Variants in DYSF observed in about 807,000 individuals in gnomAD.
DYSF encodes dystrophy-associated fer-1-like 1.
Under a neutral mutation model 274.9 loss-of-function variants are expected in DYSF, and 212 were observed. The ratio of observed to expected loss-of-function variants is 0.77; its 90% CI spans 0.69 to 0.86. DYSF has a LOEUF of 0.86. Ranked by LOEUF, DYSF falls within the 40% of genes least tolerant of loss-of-function variation. The probability of loss-of-function intolerance (pLI) is 0.00; values close to 1 mark genes in which losing one functional copy is unlikely to be tolerated. For missense variants in DYSF, 2,666 were observed against 2,783.2 expected, an observed-to-expected ratio of 0.96 and a Z score of 0.95; for synonymous variants, 1,091 against 1,078.7, an observed-to-expected ratio of 1.01 and a Z score of -0.22.
At chr2:71,648,929 C>T (rs1222558291) in intron 42 of DYSF, among the ~76,000 whole-genome samples, 1 of 151,976 alleles carries the variant, frequency 6.6e-6, no homozygotes, top group Non-Finnish European at 1.5e-5. Context: ...ATAAAGGCTA[C>T]AGATAACCAT....
At position 71,637,915 on chromosome 2, in the gene DYSF, C is replaced by T. The variant is rs993779607; in HGVS notation, c.4528-6050C>T. Among the ~76,000 whole-genome samples, 12 of 152,124 alleles carry T rather than the reference C, an allele frequency of 7.9e-5. 1 individual carries two copies. In the East Asian group the frequency reaches 1.7e-3, roughly 22 times the overall value. On this transcript the variant is annotated intron_variant, in intron 41 of 55. Transcript: ENST00000410020. Reference sequence around the variant, plus strand: ...GCAGGACGAAAATGGGGGCAAAAGTCACTGAGCAGCCGGCCAGCTGGTGTG... The same window carrying T: ...GCAGGACGAAAATGGGGGCAAAAGTTACTGAGCAGCCGGCCAGCTGGTGTG...
intron 42 of DYSF, among the ~76,000 whole-genome samples, chr2:71,651,252 G>A (rs564955452): frequency 3.3e-5 from 5 of 152,002 alleles, no homozygotes; most frequent in Non-Finnish European, 5.9e-5. Flanking sequence ...CAAATAATTG[G>A]CACTTTGATT....
At chr2:71,596,276 C>G (rs1485560146) in intron 32 of DYSF, among the ~76,000 whole-genome samples, 2 of 152,142 alleles carry the variant, frequency 1.3e-5, no homozygotes, top group South Asian at 2.1e-4. Context: ...CGGGGGCCAG[C>G]GTGGGGGGTG....
chr2:71,455,550 A>G (rs570366342), intron 1 of DYSF, among the ~76,000 whole-genome samples: 24 of 152,100 alleles, frequency 1.6e-4, no homozygotes, highest in South Asian at 1.2e-3. Context: ...CCGCATCCTC[A>G]GCTCTGGGCA....
chr2:71,484,878 A>T (rs1457413633), intron 3 of DYSF, among the ~76,000 whole-genome samples: 1 of 152,194 alleles, frequency 6.6e-6, no homozygotes, highest in African/African-American at 2.4e-5. Context: ...AGCAGAGGTC[A>T]TATGGGGAAC....
intron 11 of DYSF, among the ~76,000 whole-genome samples, 196 bp from the exon 12 acceptor site, chr2:71,520,593 C>T (rs12713754): frequency 6.6e-6 from 1 of 152,024 alleles, no homozygotes; most frequent in Admixed American, 6.6e-5. Context: ...CTCTTACAGG[C>T]GTTTCTGTTA....
chr2:71,494,858 C>T (rs1356670714), intron 3 of DYSF, among the ~76,000 whole-genome samples: 1 of 152,218 alleles, frequency 6.6e-6, no homozygotes, highest in African/African-American at 2.4e-5. Context: ...CTATTGGCTA[C>T]AGTTTTTCTC....
intron 9 of DYSF, among the ~76,000 whole-genome samples, chr2:71,516,535 C>T (rs140929926): frequency 3.4e-4 from 52 of 152,370 alleles, no homozygotes; most frequent in African/African-American, 1.2e-3. Flanking sequence ...TGCTCAGCAT[C>T]CCCCTGGGGC....
chr2:71,576,339 A>G (rs1318371238), intron 30 of DYSF: 1 of 152,430 alleles, frequency 6.6e-6, no homozygotes, highest in Admixed American at 6.5e-5. Flanking sequence ...TGCTCTGGTC[A>G]GAGCTAGGCT....
At chr2:71,617,914 GTGTGTGTGTGGTAGAGGT>G (rs2093942864) in intron 40 of DYSF, among the ~76,000 whole-genome samples, 25 of 27,816 alleles carry the variant, frequency 9.0e-4, no homozygotes, top group South Asian at 3.3e-3. Flanking sequence ...TGGTAGAGGT[GTGTGTGTGTGGTAGAGGT>G]GTGTGTGTGG....
intron 43 of DYSF, among the ~76,000 whole-genome samples, chr2:71,656,554 G>A (rs1463294400): frequency 6.6e-6 from 1 of 152,162 alleles, no homozygotes; most frequent in Non-Finnish European, 1.5e-5. Flanking sequence ...AGTGACAATT[G>A]TATTTGTTTT....
intron 23 of DYSF, among the ~76,000 whole-genome samples, chr2:71,563,031 T>G (rs963993285): frequency 1.3e-5 from 2 of 152,168 alleles, no homozygotes; most frequent in Non-Finnish European, 2.9e-5. Flanking sequence ...CAGAATCCCT[T>G]GGAGGGCTTG....
At chr2:71,494,110 A>G (rs978091748) in intron 3 of DYSF, among the ~76,000 whole-genome samples, 1 of 152,146 alleles carries the variant, frequency 6.6e-6, no homozygotes, top group African/African-American at 2.4e-5. Context: ...TTTTGTTATC[A>G]GGCATACAAG....
chr2:71,684,351 C>A (rs938728689), intron 55 of DYSF, among the ~76,000 whole-genome samples: 7 of 152,186 alleles, frequency 4.6e-5, no homozygotes, highest in Non-Finnish European at 1.0e-4. Context: ...TGTCTCCTGC[C>A]CAGGGGGCAC....
chr2:71,466,554 G>C, upstream of DYSF: 1 of 938,610 alleles, frequency 1.1e-6, no homozygotes, highest in South Asian at 5.2e-5. Context: ...GCGGAGCTAG[G>C]GACCAGCACC....
intron 32 of DYSF, among the ~76,000 whole-genome samples, chr2:71,594,134 C>T (rs897191484): frequency 4.6e-5 from 7 of 152,200 alleles, no homozygotes; most frequent in Admixed American, 3.3e-4. Context: ...GCTGGGGCCA[C>T]GTCTTGATGA....
At chr2:71,542,438 T>A (rs1573862879) in intron 17 of DYSF, among the ~76,000 whole-genome samples, 1 of 151,260 alleles carries the variant, frequency 6.6e-6, no homozygotes, top group Non-Finnish European at 1.5e-5. Flanking sequence ...TTTGGCAGGG[T>A]CATAGGACAA....
In DYSF at chr2:71,526,132, A is replaced by T. The variant is rs1223538890; in HGVS notation, c.1150-88A>T. The T allele has an allele frequency of 9.3e-6, 15 of 1,611,368 alleles. No homozygotes were observed. The Admixed American group carries it at 2.0e-4, about 22-fold the overall frequency. On this transcript the variant is annotated intron_variant, in intron 12 of 55. Transcript: ENST00000410020. ...TGCCTTACTGCAGAATGCAGCATTT[A>T]TGTGGCGAAGCTGGAACTCTTAGAA...
At chr2:71,605,960 G>T (rs2093639250) in intron 36 of DYSF, among the ~76,000 whole-genome samples, 1 of 152,184 alleles carries the variant, frequency 6.6e-6, no homozygotes, top group African/African-American at 2.4e-5. Flanking sequence ...CCTGCCTGGA[G>T]CTCCCCGAGG....
Sources: allele counts gnomAD v4.1 joint callset (sites outside exome capture counted in the v4.1 genomes callset), GRCh38; gene constraint gnomAD v4.1.1; transcripts MANE v1.5; gene names NCBI Gene and HGNC (gene_info 2026-07-23, HGNC 2026-07-21).